Variants in WDR45 observed in about 807,000 individuals in gnomAD.
WDR45 encodes WD repeat domain 45, also known as WD repeat domain phosphoinositide-interacting protein 4.
WDR45 carries 2 observed loss-of-function variants against 27.3 expected under a neutral mutation model. The ratio of observed to expected loss-of-function variants is 0.07; its 90% CI spans 0.03 to 0.23. The LOEUF is 0.23. WDR45 is among the 10% of genes least tolerant of loss of function. The pLI, the probability that WDR45 is intolerant of heterozygous loss-of-function variation, is 1.00. For synonymous variants in WDR45, 99 were observed against 119.2 expected (o/e 0.83, Z 1.11); for missense variants, 175 against 311.9 (o/e 0.56, Z 3.31).
In WDR45 at chrX:49,075,743, C is replaced by T. The variant is rs781848090; in HGVS notation, c.527G>A (p.Ser176Asn). The change falls in exon 8 of 11, where the codon AGC becomes AAC. Residue 176 changes from serine to asparagine, a missense_variant. Around this residue, in one of 3 missense-constraint regions of WDR45, gnomAD observed 102 missense variants for 165.4 expected, o/e 0.62. Coordinates refer to ENST00000376372, the MANE Select transcript of WDR45 (RefSeq NM_001029896.2). Reference sequence around the variant, plus strand: ...AGCAGACGAGGTGCCAGGCTTTGTGCTCGCCAGGTCCTGGGGTAGGAGGGA... The same window carrying T: ...AGCAGACGAGGTGCCAGGCTTTGTGTTCGCCAGGTCCTGGGGTAGGAGGGA... The part of the protein sequence containing the change: ...CGSLQLVDLA[S>N]TKPGTSSAPF... 9.1e-6 allele frequency: 11 copies of T among 1,206,676 alleles called. No homozygotes were observed. The South Asian group carries it at 2.0e-4, about 21-fold the overall frequency.
chrX:49,085,214 G>A (rs1303563444), intron 2 of WDR45, among the ~76,000 whole-genome samples: 4 of 110,454 alleles, frequency 3.6e-5, no homozygotes, highest in Non-Finnish European at 5.7e-5. Flanking sequence ...AGTATTTAGC[G>A]GAGTGCTTAT....
intron 2 of WDR45, among the ~76,000 whole-genome samples, chrX:49,091,307 G>A (rs2065104349): frequency 9.0e-6 from 1 of 110,536 alleles, no homozygotes; most frequent in Non-Finnish European, 1.9e-5. Context: ...TGGGCGTGAT[G>A]GTGCACGTCT....
chrX:49,087,214 G>A (rs1402799430), intron 2 of WDR45, among the ~76,000 whole-genome samples: 5 of 110,180 alleles, frequency 4.5e-5, no homozygotes, highest in African/African-American at 1.6e-4. Flanking sequence ...AAAATTAGCC[G>A]GGCATGGTGG....
At chrX:49,089,338 G>C (rs1288802397) in intron 2 of WDR45, among the ~76,000 whole-genome samples, 2 of 110,289 alleles carry the variant, frequency 1.8e-5, no homozygotes, top group Admixed American at 1.9e-4. Flanking sequence ...AAGAAAAAAA[G>C]AAGAAAAAAA....
intron 2 of WDR45, among the ~76,000 whole-genome samples, chrX:49,086,988 G>C (rs1387747907): frequency 9.0e-6 from 1 of 110,739 alleles, no homozygotes; most frequent in African/African-American, 3.3e-5. Flanking sequence ...TCCCAGCCTA[G>C]TTTTATTTTC....
upstream of WDR45, among the ~76,000 whole-genome samples, chrX:49,084,319 G>C (rs1388127481): frequency 9.3e-6 from 1 of 107,546 alleles, no homozygotes; most frequent in Admixed American, 9.9e-5. Context: ...CAAAGTGCTG[G>C]GATTACAGGC....
chrX:49,075,725 G>A lies in WDR45; in HGVS notation c.545C>T (p.Ser182Leu), dbSNP rs2065032971. ...VDLASTKPGT[S>L]SAPFTINAHQ... ...TGCATTGATCGTGAATGGAGCAGAC[G>A]AGGTGCCAGGCTTTGTGCTCGCCAG... Residue 182 changes from serine to leucine, a missense_variant, in exon 8 of 11, where the codon TCG becomes TTG. This residue lies in a region of WDR45 where 102 missense variants were observed against 165.4 expected (regional missense o/e 0.62). Coordinates refer to ENST00000376372, the MANE Select transcript of WDR45 (RefSeq NM_001029896.2). The A allele has an allele frequency of 1.7e-6, 2 of 1,209,263 alleles. No homozygotes were observed. The highest frequency in any genetic ancestry group is 2.2e-6 in the Non-Finnish European group (2 of 894,218).
At position 49,100,966 on chromosome X, in the gene WDR45, G is replaced by A. The variant is rs1041100416; in HGVS notation, c.-368+84C>T. On this transcript the variant is annotated intron_variant, in intron 1 of 11. Transcript: ENST00000356463. ...GCAGGAACCACGGTGCGCAGGCACA[G>A]AACCCCGCTGGGTTTGCTACGAAGG... 3 of 112,709 alleles carry A rather than the reference G, an allele frequency of 2.7e-5. No homozygotes were observed. The Admixed American group carries it at 2.8e-4, about 11-fold the overall frequency. 9.3% of individuals were successfully genotyped at this position (112,709 alleles called of 1,213,427 possible).
At chrX:49,075,089 C>T in intron 10 of WDR45, 47 bp downstream of exon 10, 2 of 1,201,442 alleles carry the variant, frequency 1.7e-6, no homozygotes, top group East Asian at 5.9e-5. Context: ...AACCTGCAGG[C>T]CTTTGCCCCA....
chrX:49,076,076 C>T lies in WDR45; in HGVS notation c.437-131G>A, dbSNP rs2065035598. 19 of 565,795 alleles carry T rather than the reference C, an allele frequency of 3.4e-5. No individual in the cohort carries two copies. In the East Asian group the frequency reaches 6.8e-4, roughly 20 times the overall value. 46.6% of individuals were successfully genotyped at this position (565,795 alleles called of 1,213,427 possible). On this transcript the variant is annotated intron_variant, in intron 6 of 10. Transcript: ENST00000376372. The stretch of plus-strand genomic sequence containing the variant: ...TAACCCGAAGAACCCTGAGGGGGCT[C>T]AGCTCAGCTGCACGCCCCGCCAGCT...
chrX:49,091,096 T>C (rs1371151145), intron 2 of WDR45, among the ~76,000 whole-genome samples: 3 of 109,777 alleles, frequency 2.7e-5, no homozygotes, highest in Admixed American at 1.9e-4. Flanking sequence ...GTGCTGGGGT[T>C]ATAGGTGTGA....
chrX:49,094,578 T>C (rs781793207), intron 2 of WDR45, among the ~76,000 whole-genome samples: 3 of 110,998 alleles, frequency 2.7e-5, no homozygotes, highest in South Asian at 7.7e-4. Flanking sequence ...GTTAGTAGAT[T>C]ATTATCTTAA....
intron 2 of WDR45, among the ~76,000 whole-genome samples, chrX:49,097,330 G>GT (rs782550987): frequency 0.13 from 11,804 of 91,751 alleles, 2,154 homozygotes; most frequent in African/African-American, 0.44. Flanking sequence ...CCAGCTAATT[G>GT]TTTTTTTTTT....
intron 1 of WDR45, among the ~76,000 whole-genome samples, chrX:49,078,379 G>A (rs1036207808): frequency 1.8e-5 from 2 of 112,206 alleles, no homozygotes; most frequent in Non-Finnish European, 3.8e-5. Flanking sequence ...AAAGTTAGCC[G>A]GGTGTGGTGG....
intron 8 of WDR45, 31 bp from the exon 9 acceptor site, chrX:49,075,496 T>C: frequency 8.3e-7 from 1 of 1,210,569 alleles, no homozygotes; most frequent in Non-Finnish European, 1.1e-6. Flanking sequence ...GATGCCCACA[T>C]GTCATGTGGT....
upstream of WDR45, chrX:49,082,028 T>C (rs1474041817): frequency 9.8e-6 from 1 of 101,729 alleles, no homozygotes; most frequent in Non-Finnish European, 2.0e-5. Context: ...AAAAGAAATA[T>C]GCTTTTTGCA....
chrX:49,090,269 G>A (rs1557086421), intron 2 of WDR45, among the ~76,000 whole-genome samples: 1 of 111,014 alleles, frequency 9.0e-6, no homozygotes, highest in Non-Finnish European at 1.9e-5. Context: ...TCATCATGTT[G>A]GCCAGGCTGG....
chrX:49,089,786 CAAA>C (rs782204856), intron 2 of WDR45, among the ~76,000 whole-genome samples: 1 of 72,957 alleles, frequency 1.4e-5, no homozygotes. Context: ...AACCTTATCT[CAAA>C]AAAAAAAAAA....
At chrX:49,091,902 G>A (rs1395141422) in intron 2 of WDR45, among the ~76,000 whole-genome samples, 3 of 106,801 alleles carry the variant, frequency 2.8e-5, no homozygotes, top group South Asian at 4.1e-4. Flanking sequence ...AGGCTGAGGC[G>A]GGTGGATCAC....
Sources: gnomAD v4.1 joint callset for allele counts (sites outside exome capture counted in the v4.1 genomes callset) on GRCh38, gnomAD v4.1.1 for gene constraint, gnomAD v4.1.1 regional missense constraint, MANE v1.5 for transcripts, NCBI Gene and HGNC (gene_info 2026-07-23, HGNC 2026-07-21) for gene names.